ADAM10: variants seen among roughly 807,000 people sequenced by gnomAD.
ADAM10 encodes the protein ADAM metallopeptidase domain 10, also known as disintegrin and metalloproteinase domain-containing protein 10.
Under a neutral mutation model 90.1 loss-of-function variants are expected in ADAM10, and 17 were observed. That is an observed-to-expected ratio of 0.19 (90% confidence interval 0.13 to 0.28). ADAM10 has a LOEUF of 0.28. Ranked by LOEUF, ADAM10 falls within the 10% of genes least tolerant of loss-of-function variation. ADAM10 has a pLI of 1.00. For missense variants in ADAM10, 610 were observed against 914.3 expected (o/e 0.67, Z 4.29); for synonymous variants, 310 against 298.6 (o/e 1.04, Z -0.40).
chr15:58,635,015 T>C (rs565855388), intron 8 of ADAM10, among the ~76,000 whole-genome samples: 29 of 151,758 alleles, frequency 1.9e-4, no homozygotes, highest in African/African-American at 7.0e-4. Flanking sequence ...CAAATTTGAA[T>C]TACTGTTAAA....
Position 58,686,581 on chromosome 15 carries a change from C to A in ADAM10, c.207-4267G>T, listed in dbSNP as rs1897610429. On this transcript the variant is annotated intron_variant, in intron 2 of 15. Transcript: ENST00000260408. ...TGGTGGGTGTTCTAGCTGGAAGTAACCCCTTCTGGGAACCCAGATCCTGTG... is the reference window on the plus strand; with the variant it reads ...TGGTGGGTGTTCTAGCTGGAAGTAAACCCTTCTGGGAACCCAGATCCTGTG... The A allele has an allele frequency of 4.2e-6, 5 of 1,195,570 alleles. No homozygotes were observed. In the South Asian group the frequency reaches 5.0e-5, roughly 12 times the overall value. 74.1% of individuals were successfully genotyped at this position (1,195,570 alleles called of 1,614,324 possible).
intron 11 of ADAM10, among the ~76,000 whole-genome samples, chr15:58,615,134 C>T (rs1488212017): frequency 1.7e-4 from 26 of 151,800 alleles, no homozygotes; most frequent in Admixed American, 1.6e-3. Flanking sequence ...ATTAGCCGGG[C>T]GTGGTGGCAG....
chr15:58,610,944 G>A, intron 13 of ADAM10, 55 bp downstream of exon 13: 1 of 1,336,802 alleles, frequency 7.5e-7, no homozygotes, highest in Non-Finnish European at 1.1e-6. Flanking sequence ...TAAAATTTAG[G>A]AGAAAATAAT....
chr15:58,602,123 T>C (rs754923452), intron 14 of ADAM10, among the ~76,000 whole-genome samples: 10 of 152,240 alleles, frequency 6.6e-5, no homozygotes, highest in Non-Finnish European at 1.0e-4. Flanking sequence ...TTCATTTATT[T>C]ATTCCCTCAT....
At chr15:58,731,461 C>CA (rs201837288) in intron 1 of ADAM10, among the ~76,000 whole-genome samples, 4,178 of 151,184 alleles carry the variant, frequency 0.028, 96 homozygotes, top group Non-Finnish European at 0.043. Context: ...TCAACAACAA[C>CA]AAAAAAAATA....
intron 1 of ADAM10, among the ~76,000 whole-genome samples, chr15:58,723,366 G>A (rs1011532575): frequency 6.6e-6 from 1 of 152,024 alleles, no homozygotes; most frequent in African/African-American, 2.4e-5. Context: ...AAATACACTG[G>A]TCTCAGAGGC....
At position 58,717,584 on chromosome 15, in the gene ADAM10, G is replaced by A; in HGVS notation, c.199C>T (p.His67Tyr). The change falls in exon 2 of 16, where the codon CAT becomes TAT. Residue 67 changes from histidine to tyrosine, a missense_variant. This residue lies in a region of ADAM10 where 310 missense variants were observed against 362.4 expected (regional missense o/e 0.86). Transcript: ENST00000260408. ...DQFLRLDFHA[H>Y]GRHFNLRMKR... ...AGCAATAAATTTACTTACCTTCCAT[G>A]GGCATGGAAATCTAGACGTAAAAAT... is the stretch of plus-strand genomic sequence containing the variant. 1.9e-6 allele frequency: 3 copies of A among 1,613,826 alleles called. No individual in the cohort carries two copies. The highest frequency in any genetic ancestry group is 1.7e-6 in the Non-Finnish European group (2 of 1,179,890).
At chr15:58,659,588 ATTGCTGGATTTCAC>A (rs570510512) in intron 5 of ADAM10, among the ~76,000 whole-genome samples, 144 of 152,124 alleles carry the variant, frequency 9.5e-4, no homozygotes, top group African/African-American at 3.1e-3. Context: ...TTTTATATAT[ATTGCTGGATTTCAC>A]TTGCTAATAT....
rs181375137 is a variant in ADAM10 at position 58,734,419 on chromosome 15, A to C, written c.55+15061T>G. Among the ~76,000 whole-genome samples the C allele has an allele frequency of 1.5e-3, 233 of 152,358 alleles. 2 individuals carry two copies. Among genetic ancestry groups the C allele is most frequent in the East Asian group, 3.7e-3 (19 of 5,192 alleles). On this transcript the variant is annotated intron_variant, in intron 1 of 15. Transcript: ENST00000260408. ...ACTCAACTTTGATTTCAATGATTTC[A>C]TGTTAATCTACGATGAGTCGAATTA...
intron 1 of ADAM10, among the ~76,000 whole-genome samples, chr15:58,733,300 C>G (rs555647994): frequency 6.7e-6 from 1 of 150,118 alleles, no homozygotes; most frequent in South Asian, 2.1e-4. Flanking sequence ...GTGAACAAAA[C>G]CTGGTGGTTC....
chr15:58,628,713 A>G (rs1262542757), intron 9 of ADAM10, among the ~76,000 whole-genome samples: 1 of 152,192 alleles, frequency 6.6e-6, no homozygotes, highest in Non-Finnish European at 1.5e-5. Context: ...TTCAGAACAC[A>G]TCAGAAGGGG....
At chr15:58,692,209 A>G (rs1237897660) in intron 2 of ADAM10, 2 of 570,104 alleles carry the variant, frequency 3.5e-6, no homozygotes, top group East Asian at 9.0e-5. Context: ...AGGGATGAAC[A>G]GCAATGCCCT....
chr15:58,601,166 C>G (rs1895097342), intron 14 of ADAM10, among the ~76,000 whole-genome samples: 2 of 152,066 alleles, frequency 1.3e-5, no homozygotes, highest in South Asian at 2.1e-4. Flanking sequence ...TTCCAAGTAC[C>G]TTTTAAAAAC....
intron 5 of ADAM10, among the ~76,000 whole-genome samples, chr15:58,662,591 C>A (rs1405062591): frequency 2.0e-5 from 3 of 152,198 alleles, no homozygotes; most frequent in Non-Finnish European, 4.4e-5. Context: ...AGTGGTCCTG[C>A]TGCCTCAGCC....
At chr15:58,679,100 A>G in intron 4 of ADAM10, 24 bp downstream of exon 4, 2 of 1,605,746 alleles carry the variant, frequency 1.2e-6, no homozygotes, top group Non-Finnish European at 1.7e-6. Context: ...GAAAAAGGCT[A>G]CTTGATAAAA....
At chr15:58,635,748 T>C (rs1896233484) in intron 8 of ADAM10, among the ~76,000 whole-genome samples, 1 of 151,902 alleles carries the variant, frequency 6.6e-6, no homozygotes, top group African/African-American at 2.4e-5. Flanking sequence ...CTGTCAAACT[T>C]GAATTAAGCA....
In ADAM10 at chr15:58,691,676, C is replaced by CTTTTTTTTTTTTTT. The variant is rs71116587; in HGVS notation, c.207-9376_207-9363dup. ...AGCTAAGCTCAAGCCACTTCTTCTT[C>CTTTTTTTTTTTTTT]TTTTTTTTTTTTTTTTTTTTTTTTT... On this transcript the variant is annotated intron_variant, in intron 2 of 15. Coordinates refer to ENST00000260408, the MANE Select transcript of ADAM10 (RefSeq NM_001110.4). 11 of 231,886 alleles carry CTTTTTTTTTTTTTT rather than the reference C, an allele frequency of 4.7e-5. No individual in the cohort carries two copies. In the African/African-American group the frequency reaches 4.9e-4, roughly 10 times the overall value. 14.4% of individuals were successfully genotyped at this position (231,886 alleles called of 1,614,324 possible).
chr15:58,681,758 G>A lies in ADAM10; in HGVS notation c.325+438C>T, dbSNP rs1024882295. Among the ~76,000 whole-genome samples the A allele has an allele frequency of 9.2e-5, 14 of 152,198 alleles. 1 individual carries two copies. On this transcript the variant is annotated intron_variant, in intron 3 of 15. Coordinates refer to ENST00000260408, the MANE Select transcript of ADAM10 (RefSeq NM_001110.4). Reference sequence around the variant, plus strand: ...ATTGTGAATAAAGCAAATAGATTCTGAGGAAGAAGGGCCTTGGGAGGATTT... The same window carrying A: ...ATTGTGAATAAAGCAAATAGATTCTAAGGAAGAAGGGCCTTGGGAGGATTT...
intron 2 of ADAM10, chr15:58,690,993 A>G (rs1897766398): frequency 2.1e-6 from 1 of 487,142 alleles, no homozygotes; most frequent in Admixed American, 2.4e-5. Context: ...TAGTGTCTCC[A>G]CAATGGGGTG....
Sources: allele counts gnomAD v4.1 joint callset (sites outside exome capture counted in the v4.1 genomes callset), GRCh38; gene constraint gnomAD v4.1.1; regional missense constraint gnomAD v4.1.1; transcripts MANE v1.5; gene names NCBI Gene and HGNC (gene_info 2026-07-23, HGNC 2026-07-21).